Variants in XYLT1 observed in about 807,000 individuals in gnomAD.
The protein encoded by XYLT1 is beta-D-xylosyltransferase 1.
Under a neutral mutation model 91.3 loss-of-function variants are expected in XYLT1, and 36 were observed. The ratio of observed to expected loss-of-function variants is 0.39; its 90% CI spans 0.30 to 0.52. XYLT1 has a LOEUF of 0.52. Among genes scored for constraint, XYLT1 ranks in the 20% least tolerant of loss-of-function variants. The probability of loss-of-function intolerance (pLI) is 0.68; values close to 1 mark genes in which losing one functional copy is unlikely to be tolerated. For synonymous variants in XYLT1, 588 were observed against 532.0 expected, an observed-to-expected ratio of 1.11 and a Z score of -1.45; for missense variants, 1,242 against 1,284.5, an observed-to-expected ratio of 0.97 and a Z score of 0.51.
intron 1 of XYLT1, among the ~76,000 whole-genome samples, chr16:17,463,111 G>A (rs1367275806): frequency 1.3e-5 from 2 of 151,970 alleles, no homozygotes; most frequent in African/African-American, 4.8e-5. Flanking sequence ...TCTAAGACCC[G>A]AGACTATGAG....
chr16:17,287,094 C>T (rs528192878), intron 2 of XYLT1, among the ~76,000 whole-genome samples: 2 of 152,294 alleles, frequency 1.3e-5, no homozygotes, highest in African/African-American at 4.8e-5. Flanking sequence ...TTGGCTCCTA[C>T]TTAACTCCCT....
intron 1 of XYLT1, among the ~76,000 whole-genome samples, chr16:17,411,260 T>C (rs912009539): frequency 6.6e-6 from 1 of 152,216 alleles, no homozygotes; most frequent in African/African-American, 2.4e-5. Flanking sequence ...CAGTTGCTAT[T>C]GTTGATGTTG....
chr16:17,258,964 T>C, intron 3 of XYLT1, 24 bp downstream of exon 3: 6 of 1,487,922 alleles, frequency 4.0e-6, no homozygotes, highest in Non-Finnish European at 5.4e-6. Flanking sequence ...GATCCCTCTC[T>C]GAGCCAGCGG....
chr16:17,104,944 G>A lies in XYLT1; in HGVS notation c.*3751C>T, dbSNP rs1966754235. ...AAACATTTGTAACCCCTACCACAGTGTGTGGCTTTGATCCTGCAGGTCTAG... is the reference window on the plus strand; with the variant it reads ...AAACATTTGTAACCCCTACCACAGTATGTGGCTTTGATCCTGCAGGTCTAG... On this transcript the variant is annotated 3_prime_UTR_variant, in exon 12 of 12. Transcript: ENST00000261381. 6.6e-6 allele frequency: 1 copy of A among 152,256 alleles called. No individual in the cohort carries two copies. The highest frequency in any genetic ancestry group is 2.1e-4 in the South Asian group (1 of 4,832). 9.4% of individuals were successfully genotyped at this position (152,256 alleles called of 1,614,324 possible). A position where few individuals can be genotyped will look rare whatever the true frequency, so the allele number is the denominator to read the frequency against.
intron 2 of XYLT1, among the ~76,000 whole-genome samples, chr16:17,283,801 TA>T (rs1170723017): frequency 6.6e-6 from 1 of 152,194 alleles, no homozygotes; most frequent in Non-Finnish European, 1.5e-5. Flanking sequence ...TATTATCACA[TA>T]GGGGCGGGGT....
chr16:17,470,606 C>G lies in XYLT1; in HGVS notation c.191G>C (p.Arg64Pro). Reference sequence around the variant, plus strand: ...GGCGGGCAGGTCCCGGCGCTCCCGGCGCGGGGCCGGGGCCGGGGGCGGCTG... The same window carrying G: ...GGCGGGCAGGTCCCGGCGCTCCCGGGGCGGGGCCGGGGCCGGGGGCGGCTG... ...GEQPPPAPAP[R>P]RERRDLPAEP... The change falls in exon 1 of 12, where the codon CGC becomes CCC. Residue 64 changes from arginine (R) to proline (P), a missense_variant. By Grantham distance (103) the Arg-to-Pro change is moderately radical. Around this residue, in one of 3 missense-constraint regions of XYLT1, gnomAD observed 437 missense variants for 411.5 expected, o/e 1.06. Coordinates refer to ENST00000261381, the MANE Select transcript of XYLT1 (RefSeq NM_022166.4). The G allele has an allele frequency of 8.7e-7, 1 of 1,150,946 alleles. No homozygotes were observed. Among genetic ancestry groups the G allele is most frequent in the Non-Finnish European group, 1.1e-6 (1 of 937,866 alleles). 71.3% of individuals were successfully genotyped at this position (1,150,946 alleles called of 1,614,324 possible).
At chr16:17,166,020 G>A (rs777443255) in intron 5 of XYLT1, among the ~76,000 whole-genome samples, 1 of 152,228 alleles carries the variant, frequency 6.6e-6, no homozygotes, top group Middle Eastern at 3.2e-3. Flanking sequence ...AATTGCAAAG[G>A]TGATGGAGTT....
chr16:17,240,790 T>C (rs145623098), intron 3 of XYLT1, among the ~76,000 whole-genome samples: 164 of 152,326 alleles, frequency 1.1e-3, no homozygotes, highest in African/African-American at 3.6e-3. Context: ...TTACACATCA[T>C]TCCATTTAGG....
chr16:17,349,563 A>G lies in XYLT1; in HGVS notation c.402+8449T>C, dbSNP rs139715733. On this transcript the variant is annotated intron_variant, in intron 2 of 11. Transcript: ENST00000261381. ...TTAGTAACTCCCAGGGTTATTTCCCAATATATGAAAGCTAAACTGCTAGGT... is the reference window on the plus strand; with the variant it reads ...TTAGTAACTCCCAGGGTTATTTCCCGATATATGAAAGCTAAACTGCTAGGT... Among the ~76,000 whole-genome samples the G allele has an allele frequency of 4.4e-3, 664 of 151,944 alleles. 3 individuals are homozygous for G. Among genetic ancestry groups the G allele is most frequent in the African/African-American group, 0.015 (635 of 41,310 alleles).
intron 3 of XYLT1, among the ~76,000 whole-genome samples, chr16:17,257,189 G>A (rs2033646539): frequency 6.6e-6 from 1 of 152,214 alleles, no homozygotes; most frequent in Admixed American, 6.5e-5. Context: ...GGCCCAATGA[G>A]AAGGAGGGAT....
chr16:17,411,403 T>C (rs953489256), intron 1 of XYLT1, among the ~76,000 whole-genome samples: 1 of 152,222 alleles, frequency 6.6e-6, no homozygotes, highest in African/African-American at 2.4e-5. Flanking sequence ...AATTTCATTG[T>C]ATTGTGTCAT....
At chr16:17,315,072 G>T (rs1159221647) in intron 2 of XYLT1, among the ~76,000 whole-genome samples, 1 of 152,208 alleles carries the variant, frequency 6.6e-6, no homozygotes, top group African/African-American at 2.4e-5. Flanking sequence ...AGCAGCTCTG[G>T]GAGCTATGCT....
At chr16:17,189,866 G>T (rs1479400916) in intron 5 of XYLT1, among the ~76,000 whole-genome samples, 1 of 152,146 alleles carries the variant, frequency 6.6e-6, no homozygotes, top group Non-Finnish European at 1.5e-5. Flanking sequence ...GACCAACATG[G>T]TGAAACCCCA....
chr16:17,358,720 G>A (rs1213168119), intron 1 of XYLT1, among the ~76,000 whole-genome samples: 1 of 152,152 alleles, frequency 6.6e-6, no homozygotes, highest in Admixed American at 6.5e-5. Flanking sequence ...CCTCTATAAG[G>A]AGAGTTTGGC....
chr16:17,345,490 C>T (rs1399394779), intron 2 of XYLT1, among the ~76,000 whole-genome samples: 5 of 152,208 alleles, frequency 3.3e-5, no homozygotes, highest in Non-Finnish European at 7.3e-5. Context: ...CTCCCCAAGC[C>T]TGCTACTTCC....
At position 17,103,637 on chromosome 16, in the gene XYLT1, G is replaced by A. The variant is rs1966736956; in HGVS notation, c.*5058C>T. 6.6e-6 allele frequency: 1 copy of A among 152,224 alleles called. No individual in the cohort carries two copies. The highest frequency in any genetic ancestry group is 1.5e-5 in the Non-Finnish European group (1 of 68,070). The allele number at this position is 152,224 out of a possible 1,614,324, so 9.4% of individuals were successfully genotyped here. ...TGTTTTGTTTTTGAAGGAGGGATGGGAGAAGCAAGTTGGAGGAACATGAGG... is the reference window on the plus strand; with the variant it reads ...TGTTTTGTTTTTGAAGGAGGGATGGAAGAAGCAAGTTGGAGGAACATGAGG... On this transcript the variant is annotated 3_prime_UTR_variant, in exon 12 of 12. Coordinates refer to ENST00000261381, the MANE Select transcript of XYLT1 (RefSeq NM_022166.4).
intron 2 of XYLT1, among the ~76,000 whole-genome samples, chr16:17,354,098 CTTT>C (rs1424220177): frequency 4.6e-5 from 7 of 152,058 alleles, no homozygotes; most frequent in Non-Finnish European, 8.8e-5. Flanking sequence ...CACTGAACTC[CTTT>C]TTTATTTTTT....
Position 17,259,449 on chromosome 16 carries a change from T to C in XYLT1, c.452A>G (p.Asn151Ser), listed in dbSNP as rs748243809. The C allele has an allele frequency of 1.2e-6, 2 of 1,613,492 alleles. No individual in the cohort carries two copies. Among genetic ancestry groups the C allele is most frequent in the Non-Finnish European group, 8.5e-7 (1 of 1,179,878 alleles). Residue 151 changes from asparagine (N) to serine (S), a missense_variant, in exon 3 of 12, where the codon AAC (asparagine) becomes AGC (serine). Asn to Ser is a conservative substitution (Grantham distance 46). Around this residue, in one of 3 missense-constraint regions of XYLT1, gnomAD observed 437 missense variants for 411.5 expected, o/e 1.06. Transcript: ENST00000261381. The stretch of plus-strand genomic sequence containing the variant: ...GTCTTTGGGGACAGAGTTCTCGTTG[T>C]TGCTGTCTGTTCGCACTTTCTCTTT... ...RPKEKVRTDS[N>S]NENSVPKDFE...
chr16:17,322,489 G>T (rs575456443), intron 2 of XYLT1, among the ~76,000 whole-genome samples: 1 of 152,250 alleles, frequency 6.6e-6, no homozygotes, highest in African/African-American at 2.4e-5. Flanking sequence ...TTAACAAGGG[G>T]TTTAGATCCA....
Sources: gnomAD v4.1 joint callset for allele counts (sites outside exome capture counted in the v4.1 genomes callset) on GRCh38, gnomAD v4.1.1 for gene constraint, gnomAD v4.1.1 regional missense constraint, MANE v1.5 for transcripts, NCBI Gene and HGNC (gene_info 2026-07-23, HGNC 2026-07-21) for gene names.